MAGI1: variants seen among roughly 807,000 people sequenced by gnomAD.
MAGI1 encodes the protein membrane-associated guanylate kinase, WW and PDZ domain-containing protein 1.
In MAGI1, 58 loss-of-function variants were observed where a neutral mutation model predicts 139.9. That is an observed-to-expected ratio of 0.41 (90% CI 0.34 to 0.52). MAGI1 has a LOEUF of 0.52. MAGI1 is among the 20% of genes least tolerant of loss of function. The probability of loss-of-function intolerance (pLI) is 0.12; values close to 1 mark genes in which losing one functional copy is unlikely to be tolerated. For missense variants in MAGI1, 1,874 were observed against 1,901.6 expected (o/e 0.99, Z 0.27); for synonymous variants, 812 against 737.9 (o/e 1.10, Z -1.63).
intron 2 of MAGI1, among the ~76,000 whole-genome samples, chr3:65,617,409 C>T (rs1336567113): frequency 6.6e-6 from 1 of 152,134 alleles, no homozygotes; most frequent in Non-Finnish European, 1.5e-5. Context: ...AAATGACAAG[C>T]CCTGTCAGGT....
chr3:66,021,486 T>A (rs753724126), intron 1 of MAGI1, among the ~76,000 whole-genome samples: 2 of 152,230 alleles, frequency 1.3e-5, no homozygotes, highest in Non-Finnish European at 2.9e-5. Flanking sequence ...TTTCTATTCT[T>A]GACTGCCTCC....
At chr3:65,921,536 C>G (rs752695406) in intron 1 of MAGI1, among the ~76,000 whole-genome samples, 2 of 152,042 alleles carry the variant, frequency 1.3e-5, no homozygotes, top group Non-Finnish European at 2.9e-5. Context: ...TCTCGAACTT[C>G]TGGCTTCAAG....
At chr3:65,914,689 T>C (rs963333150) in intron 1 of MAGI1, among the ~76,000 whole-genome samples, 2 of 152,218 alleles carry the variant, frequency 1.3e-5, no homozygotes, top group Admixed American at 1.3e-4. Context: ...CTAATAAGCA[T>C]ATTAAATTTA....
At chr3:65,431,278 C>T (rs1435932967) in intron 10 of MAGI1, among the ~76,000 whole-genome samples, 3 of 152,130 alleles carry the variant, frequency 2.0e-5, no homozygotes, top group Non-Finnish European at 4.4e-5. Context: ...TATATGGCTT[C>T]TGATGTGCTG....
chr3:65,677,760 T>C (rs1228103705), intron 1 of MAGI1, among the ~76,000 whole-genome samples: 3 of 152,212 alleles, frequency 2.0e-5, no homozygotes, highest in Non-Finnish European at 4.4e-5. Context: ...AAGAGGCACC[T>C]TGGCCGAACC....
chr3:65,908,153 T>C (rs2061511468), intron 1 of MAGI1, among the ~76,000 whole-genome samples: 2 of 152,182 alleles, frequency 1.3e-5, no homozygotes, highest in African/African-American at 2.4e-5. Flanking sequence ...CATCAAATAT[T>C]GAATATTTTG....
At chr3:65,499,701 A>G (rs548973632) in intron 2 of MAGI1, among the ~76,000 whole-genome samples, 1 of 152,344 alleles carries the variant, frequency 6.6e-6, no homozygotes, top group South Asian at 2.1e-4. Flanking sequence ...TGATATAAAC[A>G]AATTACAGAT....
At chr3:65,848,982 C>A in intron 1 of MAGI1, among the ~76,000 whole-genome samples, 1 of 129,312 alleles carries the variant, frequency 7.7e-6, no homozygotes, top group Non-Finnish European at 1.6e-5. Flanking sequence ...ACTGGCAGCT[C>A]AAGACTATTC....
Position 66,037,974 on chromosome 3 carries a change from C to A in MAGI1, c.313+22G>T, listed in dbSNP as rs200122656. On this transcript the variant is annotated intron_variant, in intron 1 of 22. Transcript: ENST00000402939. ...CACCCTCCTTTTCTCGGGGCGCCCC[C>A]CAAAGGCGCGCCCTGCCTTACCTTG... The A allele has an allele frequency of 2.7e-3, 4,171 of 1,529,160 alleles. 3 individuals are homozygous for A. Among genetic ancestry groups the A allele is most frequent in the Non-Finnish European group, 3.4e-3 (3,853 of 1,139,212 alleles). 94.7% of individuals were successfully genotyped at this position (1,529,160 alleles called of 1,614,324 possible).
At chr3:65,634,225 T>C (rs1035165337) in intron 1 of MAGI1, among the ~76,000 whole-genome samples, 2 of 152,038 alleles carry the variant, frequency 1.3e-5, no homozygotes, top group African/African-American at 4.8e-5. Flanking sequence ...GTCTAGGAAA[T>C]GTTCACAATC....
intron 1 of MAGI1, among the ~76,000 whole-genome samples, chr3:65,983,445 G>A (rs1484779493): frequency 6.6e-6 from 1 of 152,158 alleles, no homozygotes; most frequent in Non-Finnish European, 1.5e-5. Flanking sequence ...TTCAACTCTG[G>A]ACTTTTCTGT....
intron 5 of MAGI1, among the ~76,000 whole-genome samples, chr3:65,459,144 T>A (rs1273459908): frequency 6.6e-6 from 1 of 152,224 alleles, no homozygotes; most frequent in Non-Finnish European, 1.5e-5. Context: ...TTCTCTATTC[T>A]GTTCCATTGG....
intron 2 of MAGI1, among the ~76,000 whole-genome samples, chr3:65,613,392 G>A (rs1010269015): frequency 2.0e-5 from 3 of 152,114 alleles, no homozygotes; most frequent in African/African-American, 7.2e-5. Context: ...TTCACAAGAA[G>A]ATTATAAATT....
chr3:66,020,499 C>G (rs918780867), intron 1 of MAGI1, among the ~76,000 whole-genome samples: 28 of 152,112 alleles, frequency 1.8e-4, no homozygotes, highest in African/African-American at 5.8e-4. Flanking sequence ...AGAATCAAGG[C>G]TGTCCATTAC....
intron 1 of MAGI1, among the ~76,000 whole-genome samples, chr3:65,859,289 G>A (rs555837744): frequency 5.3e-5 from 8 of 151,356 alleles, no homozygotes; most frequent in African/African-American, 1.2e-4. Flanking sequence ...GTGAGACTCC[G>A]TCTACAAAAA....
At chr3:65,908,114 CT>C (rs1560000780) in intron 1 of MAGI1, among the ~76,000 whole-genome samples, 1 of 152,158 alleles carries the variant, frequency 6.6e-6, no homozygotes. Context: ...AGGAAAAGTT[CT>C]TATAAATGAA....
At chr3:65,760,943 G>A (rs1270275674) in intron 1 of MAGI1, among the ~76,000 whole-genome samples, 5 of 152,200 alleles carry the variant, frequency 3.3e-5, no homozygotes, top group Admixed American at 3.3e-4. Flanking sequence ...GGTAGAGGTA[G>A]GCAGGAAAGA....
chr3:65,685,536 ATGTC>A (rs1471618000), intron 1 of MAGI1, among the ~76,000 whole-genome samples: 1 of 152,242 alleles, frequency 6.6e-6, no homozygotes, highest in East Asian at 1.9e-4. Flanking sequence ...ATTACACACA[ATGTC>A]AAAGAACGTA....
intron 1 of MAGI1, among the ~76,000 whole-genome samples, chr3:65,868,905 G>A (rs945458090): frequency 1.3e-5 from 2 of 151,988 alleles, no homozygotes; most frequent in Non-Finnish European, 2.9e-5. Context: ...TACCTGCCTG[G>A]ACATTTTCAA....
Sources: gnomAD v4.1 joint callset for allele counts (sites outside exome capture counted in the v4.1 genomes callset) on GRCh38, gnomAD v4.1.1 for gene constraint, MANE v1.5 for transcripts, NCBI Gene and HGNC (gene_info 2026-07-23, HGNC 2026-07-21) for gene names.